Variants in MSH5 observed in about 807,000 individuals in gnomAD.
MSH5 encodes the protein mutS homolog 5.
MSH5 carries 78 observed loss-of-function variants against 107.7 expected under a neutral mutation model. The ratio of observed to expected loss-of-function variants is 0.72; its 90% CI spans 0.60 to 0.87. MSH5 has a LOEUF of 0.87. Ranked by LOEUF, MSH5 falls within the 40% of genes least tolerant of loss-of-function variation. The pLI is 0.00. For missense variants in MSH5, 889 were observed against 1,046.6 expected, an observed-to-expected ratio of 0.85 and a Z score of 2.08; for synonymous variants, 326 against 399.5, an observed-to-expected ratio of 0.82 and a Z score of 2.19.
At chr6:31,754,449 C>CTAG (rs1810260349) in intron 12 of MSH5, among the ~76,000 whole-genome samples, 1 of 152,134 alleles carries the variant, frequency 6.6e-6, no homozygotes, top group South Asian at 2.1e-4. Flanking sequence ...CGTGCCCAGC[C>CTAG]TAGTATGTGT....
Position 31,760,540 on chromosome 6 carries a change from G to T in MSH5, c.1813-150G>T. Reference sequence around the variant, plus strand: ...GCCCACAGGGCTATGGTCAGGATTCGGGGAGGAGAGACAGAGTCAGTGTGT... The same window carrying T: ...GCCCACAGGGCTATGGTCAGGATTCTGGGAGGAGAGACAGAGTCAGTGTGT... On this transcript the variant is annotated intron_variant, in intron 19 of 24. Transcript: ENST00000375750. The surrounding 1 kb of genome is among the most constrained non-coding windows in gnomAD (Gnocchi z 5.6). The T allele has an allele frequency of 9.1e-7, 1 of 1,101,262 alleles. No individual in the cohort carries two copies. The highest frequency in any genetic ancestry group is 1.3e-6 in the Non-Finnish European group (1 of 743,016). 68.2% of individuals were successfully genotyped at this position (1,101,262 alleles called of 1,614,324 possible).
chr6:31,741,255 A>G lies in MSH5; in HGVS notation c.240A>G (p.Pro80=). The G allele has an allele frequency of 6.2e-7, 1 of 1,612,734 alleles. No homozygotes were observed. Among genetic ancestry groups the G allele is most frequent in the Non-Finnish European group, 8.5e-7 (1 of 1,179,944 alleles). Residue 80 remains proline (P), a synonymous_variant, in exon 3 of 25, where the codon CCA becomes CCG. Coordinates refer to ENST00000375750, the MANE Select transcript of MSH5 (RefSeq NM_172166.4). ...DSTIHFMPDA[P]DHESLKLLQR... ...CTATCCACTTCATGCCAGATGCCCC[A>G]GACCACGAGAGCCTCAAGCTTCTCC...
At position 31,758,839 on chromosome 6, in the gene MSH5, C is replaced by T. The variant is rs373732751; in HGVS notation, c.1290C>T (p.Ser430=). ...VARKELENLD[S]RIPSCSVIYI... ...GCAAGGAGCTGGAGAATCTGGACTC[C>T]CGTATTCCTTCATGCAGTGTCATCT... The change falls in exon 15 of 25, where the codon TCC becomes TCT. Residue 430 remains serine (S), a synonymous_variant. Transcript: ENST00000375750. The surrounding 1 kb of genome is among the most constrained non-coding windows in gnomAD (Gnocchi z 5.1). 1.9e-6 allele frequency: 3 copies of T among 1,614,058 alleles called. No individual in the cohort carries two copies. In the African/African-American group the frequency reaches 4.0e-5, roughly 22 times the overall value.
At position 31,740,473 on chromosome 6, in the gene MSH5, T is replaced by C; in HGVS notation, c.7T>C (p.Ser3Pro). The C allele has an allele frequency of 6.4e-7, 1 of 1,563,322 alleles. No homozygotes were observed. The highest frequency in any genetic ancestry group is 1.9e-5 in the Admixed American group (1 of 53,658). Reference sequence around the variant, plus strand: ...CCGCAGAGCCTCCAAGCTCATGGCCTCCTTAGGAGCGAACCCAAGGAGGAC... The same window carrying C: ...CCGCAGAGCCTCCAAGCTCATGGCCCCCTTAGGAGCGAACCCAAGGAGGAC... Reference protein sequence around the residue: MASLGANPRRTPQ... With the variant: MAPLGANPRRTPQ... The change falls in exon 2 of 25, where the codon TCC (serine) becomes CCC (proline). Residue 3 changes from serine to proline, a missense_variant. This residue lies in a region of MSH5 where 518 missense variants were observed against 565.0 expected (regional missense o/e 0.92). Coordinates refer to ENST00000375750, the MANE Select transcript of MSH5 (RefSeq NM_172166.4). The surrounding 1 kb of genome is among the most constrained non-coding windows in gnomAD (Gnocchi z 4.4).
At position 31,762,163 on chromosome 6, in the gene MSH5, C is replaced by G. The variant is rs146473863; in HGVS notation, c.2371C>G (p.Leu791Val). 1 of 1,614,088 alleles carries G rather than the reference C, an allele frequency of 6.2e-7. No individual in the cohort carries two copies. Among genetic ancestry groups the G allele is most frequent in the African/African-American group, 1.3e-5 (1 of 74,926 alleles). Residue 791 changes from leucine to valine, a missense_variant, in exon 24 of 25, where the codon CTA becomes GTA. This residue lies in a region of MSH5 where 362 missense variants were observed against 456.2 expected (regional missense o/e 0.79). Transcript: ENST00000375750. ...GKPIKPVKDLLKKNQMENCQT... is the reference protein window; with the variant it reads ...GKPIKPVKDLVKKNQMENCQT... Reference sequence around the variant, plus strand: ...ACCCATCAAGCCTGTCAAGGATTTGCTAAAGAAGAACCAAATGGAAAAGTG... The same window carrying G: ...ACCCATCAAGCCTGTCAAGGATTTGGTAAAGAAGAACCAAATGGAAAAGTG...
At chr6:31,753,908 T>C in intron 12 of MSH5, 2 of 362,082 alleles carry the variant, frequency 5.5e-6, no homozygotes, top group South Asian at 5.8e-5. Context: ...GTATTTTTAG[T>C]AGAGACAGGA....
At position 31,743,943 on chromosome 6, in the gene MSH5, ACTC is replaced by A; in HGVS notation, c.458_460del (p.Ser153del). ...AAACAACGCCTCCTTTCTGGAAACT[ACTC>A]CTTCATCCCAGACGCCATGACTGCC... On this transcript the variant is annotated inframe_deletion, in exon 6 of 25. Coordinates refer to ENST00000375750, the MANE Select transcript of MSH5 (RefSeq NM_172166.4). 1 of 1,613,146 alleles carries A rather than the reference ACTC, an allele frequency of 6.2e-7. No individual in the cohort carries two copies. Among genetic ancestry groups the A allele is most frequent in the Non-Finnish European group, 8.5e-7 (1 of 1,179,944 alleles).
rs146718026 is a variant in MSH5, at chr6:31,753,190, G to A, written c.813-111G>A. The stretch of plus-strand genomic sequence containing the variant: ...TGCCACTACATTCCCATAGCACATC[G>A]TGGATACATATTGCCACAATCCCCA... On this transcript the variant is annotated intron_variant, in intron 10 of 24. Coordinates refer to ENST00000375750, the MANE Select transcript of MSH5 (RefSeq NM_172166.4). 795 of 1,329,064 alleles carry A rather than the reference G, an allele frequency of 6.0e-4. 4 individuals are homozygous for A. The African/African-American group carries it at 8.8e-3, about 15-fold the overall frequency. The allele number at this position is 1,329,064 out of a possible 1,614,324, so 82.3% of individuals were successfully genotyped here.
chr6:31,741,427 C>G (rs1808894899), intron 3 of MSH5, 141 bp downstream of exon 3: 5 of 1,180,174 alleles, frequency 4.2e-6, no homozygotes, highest in Non-Finnish European at 1.2e-6. Context: ...TACCCAGGCT[C>G]AAGTGCAGTG....
chr6:31,744,601 C>T lies in MSH5; in HGVS notation c.683+20C>T. The T allele has an allele frequency of 6.2e-7, 1 of 1,612,710 alleles. No individual in the cohort carries two copies. The highest frequency in any genetic ancestry group is 2.2e-5 in the East Asian group (1 of 44,874). ...TTACAGGTAAAGAGGTGGAGGCATG[C>T]TGCTGTCTCTGGGGAGGGAGAAGGA... On this transcript the variant is annotated intron_variant, in intron 8 of 24. Coordinates refer to ENST00000375750, the MANE Select transcript of MSH5 (RefSeq NM_172166.4).
At position 31,761,510 on chromosome 6, in the gene MSH5, C is replaced by G. The variant is rs750458730; in HGVS notation, c.2076C>G (p.His692Gln). 3.1e-6 allele frequency: 5 copies of G among 1,613,568 alleles called. No individual in the cohort carries two copies. In the African/African-American group the frequency reaches 6.7e-5, roughly 22 times the overall value. ...CGCTTCTGGCCGCTGTGCTCCGACA[C>G]TGGCTGGCACGTGGACCCACATGCC... ...GLALLAAVLR[H>Q]WLARGPTCPH... is the part of the protein sequence containing the mutation. The change falls in exon 22 of 25, where the codon CAC (histidine) becomes CAG (glutamine). Residue 692 changes from histidine to glutamine, a missense_variant. Transcript: ENST00000375750. This position sits in a 1 kb window ranked among gnomAD's most constrained non-coding sequence, Gnocchi z 5.3.
At chr6:31,745,819 G>A (rs903320132) in intron 9 of MSH5, among the ~76,000 whole-genome samples, 1 of 146,096 alleles carries the variant, frequency 6.8e-6, no homozygotes, top group African/African-American at 2.6e-5. Flanking sequence ...CCAGGCTGGA[G>A]TGCAGTGGTG....
chr6:31,744,378 A>G, intron 7 of MSH5, 79 bp downstream of exon 7: 1 of 1,592,648 alleles, frequency 6.3e-7, no homozygotes, highest in Non-Finnish European at 8.6e-7. Context: ...TGGGGTGTGG[A>G]TGTGGCTGTG....
intron 10 of MSH5, among the ~76,000 whole-genome samples, chr6:31,750,697 G>T (rs750770936): frequency 2.0e-5 from 3 of 152,196 alleles, no homozygotes; most frequent in Non-Finnish European, 4.4e-5. Flanking sequence ...TGACCAAGGA[G>T]CAGAGGTACC....
Position 31,740,589 on chromosome 6 carries a change from C to CGAG in MSH5, c.136_138dup (p.Glu46dup), listed in dbSNP as rs757132570. 1.8e-5 allele frequency: 27 copies of CGAG among 1,506,544 alleles called. No homozygotes were observed. In the South Asian group the frequency reaches 2.5e-4, roughly 14 times the overall value. The allele number at this position is 1,506,544 out of a possible 1,614,324, so 93.3% of individuals were successfully genotyped here. ...CCAGGGAGGCCGAGGAGGAGGAAGT[C>CGAG]GAGGAGGAGGAGGAGCTGGCCGAGG... On this transcript the variant is annotated inframe_insertion, in exon 2 of 25. Transcript: ENST00000375750. The surrounding 1 kb of genome is among the most constrained non-coding windows in gnomAD (Gnocchi z 4.4).
In MSH5 at chr6:31,745,279, CAA is replaced by C; in HGVS notation, c.728_729del (p.Lys243SerfsTer21). 1 of 1,613,654 alleles carries C rather than the reference CAA, an allele frequency of 6.2e-7. No individual in the cohort carries two copies. Among genetic ancestry groups the C allele is most frequent in the Non-Finnish European group, 8.5e-7 (1 of 1,179,646 alleles). The part of the protein sequence containing the change: ...FKSESHPSVY[K>X]VASGLKEGLS... ...AGAGTGAGTCTCACCCCTCAGTGTA[CAA>C]AGTGGCCAGTGGACTGAAGGAGGGG... is the stretch of plus-strand genomic sequence containing the variant. On this transcript the variant is annotated frameshift_variant, in exon 9 of 25. Coordinates refer to ENST00000375750, the MANE Select transcript of MSH5 (RefSeq NM_172166.4). LOFTEE classifies it high-confidence loss of function.
Position 31,743,182 on chromosome 6 carries a change from C to G in MSH5, c.415+12C>G. The G allele has an allele frequency of 6.2e-7, 1 of 1,612,600 alleles. No individual in the cohort carries two copies. Among genetic ancestry groups the G allele is most frequent in the Non-Finnish European group, 8.5e-7 (1 of 1,179,716 alleles). On this transcript the variant is annotated intron_variant, in intron 5 of 24. Coordinates refer to ENST00000375750, the MANE Select transcript of MSH5 (RefSeq NM_172166.4). ...AAGTGTGGATTTTGGTATCTCCTTC[C>G]TTTTGCTTTGCCTAACTCCCTGTTC...
chr6:31,742,751 C>A, intron 3 of MSH5, 126 bp from the exon 4 acceptor site: 1 of 828,746 alleles, frequency 1.2e-6, no homozygotes, highest in Non-Finnish European at 2.0e-6. Context: ...CTGTGCAGAG[C>A]ACTCCCTACT....
chr6:31,753,414 T>C lies in MSH5; in HGVS notation c.926T>C (p.Leu309Pro). ...GACATGGCTCAGATGCTGCATCGGC[T>C]CCTGGGTCACATCAAGAACGTGCCT... is the stretch of plus-strand genomic sequence containing the variant. Reference protein sequence around the residue: ...NLDMAQMLHRLLGHIKNVPLI... With the variant: ...NLDMAQMLHRPLGHIKNVPLI... Residue 309 changes from leucine to proline, a missense_variant, in exon 11 of 25, where the codon CTC (leucine) becomes CCC (proline). Leu to Pro is a moderately conservative substitution (Grantham distance 98). This residue lies in a region of MSH5 where 518 missense variants were observed against 565.0 expected (regional missense o/e 0.92). Transcript: ENST00000375750. The C allele has an allele frequency of 1.2e-6, 2 of 1,614,102 alleles. No individual in the cohort carries two copies. The highest frequency in any genetic ancestry group is 1.7e-6 in the Non-Finnish European group (2 of 1,180,004).
Sources: allele counts gnomAD v4.1 joint callset (sites outside exome capture counted in the v4.1 genomes callset), GRCh38; gene constraint gnomAD v4.1.1; regional missense constraint gnomAD v4.1.1; non-coding constraint Gnocchi (gnomAD v3.1); transcripts MANE v1.5; gene names NCBI Gene and HGNC (gene_info 2026-07-23, HGNC 2026-07-21).